Variants in THRB observed in about 807,000 individuals in gnomAD.
THRB encodes thyroid hormone receptor beta, also known as nuclear receptor subfamily 1 group A member 2.
Under a neutral mutation model 47.8 loss-of-function variants are expected in THRB, and 12 were observed. That is an observed-to-expected ratio of 0.25 (90% CI 0.16 to 0.41). The LOEUF (loss-of-function observed/expected upper bound fraction) is 0.41. THRB is among the 10% of genes least tolerant of loss of function. THRB has a pLI of 1.00. For synonymous variants in THRB, 218 were observed against 212.2 expected, an observed-to-expected ratio of 1.03 and a Z score of -0.24; for missense variants, 348 against 589.2, an observed-to-expected ratio of 0.59 and a Z score of 4.24.
chr3:24,249,737 A>C (rs1576303152), intron 3 of THRB, among the ~76,000 whole-genome samples: 1 of 137,238 alleles, frequency 7.3e-6, no homozygotes, highest in Non-Finnish European at 1.5e-5. Context: ...AGAACTCAAC[A>C]GTCTGCTCTA....
chr3:24,232,256 T>A (rs78002937), intron 3 of THRB, among the ~76,000 whole-genome samples: 4,822 of 152,344 alleles, frequency 0.032, 98 homozygotes, highest in Non-Finnish European at 0.05. Flanking sequence ...CGCGAGGCCT[T>A]GGTTGAGGCT....
At chr3:24,142,418 G>A (rs2035572107) in intron 8 of THRB, among the ~76,000 whole-genome samples, 1 of 152,172 alleles carries the variant, frequency 6.6e-6, no homozygotes, top group African/African-American at 2.4e-5. Context: ...TTATGTATAA[G>A]CCTTTTCTTT....
At chr3:24,439,977 G>T (rs2071372423) in intron 1 of THRB, among the ~76,000 whole-genome samples, 1 of 152,132 alleles carries the variant, frequency 6.6e-6, no homozygotes, top group Admixed American at 6.5e-5. Context: ...TATCCTTTTT[G>T]TTTGGGACAC....
At chr3:24,355,792 A>C (rs1040417849) in intron 1 of THRB, among the ~76,000 whole-genome samples, 4 of 152,170 alleles carry the variant, frequency 2.6e-5, no homozygotes, top group African/African-American at 9.6e-5. Flanking sequence ...TGGCAGGGTC[A>C]TCTGTGGGTC....
chr3:24,233,587 G>GAAAAAT (rs1491266688), intron 3 of THRB, among the ~76,000 whole-genome samples: 3 of 112,020 alleles, frequency 2.7e-5, no homozygotes, highest in African/African-American at 9.2e-5. Flanking sequence ...AAGAAAGAAA[G>GAAAAAT]AAAGAAAGAA....
At chr3:24,188,766 A>G (rs2149570977) in intron 5 of THRB, among the ~76,000 whole-genome samples, 1 of 150,644 alleles carries the variant, frequency 6.6e-6, no homozygotes, top group South Asian at 2.1e-4. Flanking sequence ...GTGCACACAC[A>G]CACACACATA....
At chr3:24,202,038 A>C (rs1371381739) in intron 4 of THRB, among the ~76,000 whole-genome samples, 1 of 152,220 alleles carries the variant, frequency 6.6e-6, no homozygotes, top group African/African-American at 2.4e-5. Flanking sequence ...AAGATCACAC[A>C]GTGGATAAAT....
chr3:24,288,685 A>G (rs745817114), intron 3 of THRB, among the ~76,000 whole-genome samples: 1 of 152,206 alleles, frequency 6.6e-6, no homozygotes, highest in African/African-American at 2.4e-5. Flanking sequence ...TCCCGGGTTG[A>G]ATCAAGTACA....
chr3:24,449,721 T>C (rs1010550455), intron 1 of THRB, among the ~76,000 whole-genome samples: 3 of 152,224 alleles, frequency 2.0e-5, no homozygotes, highest in African/African-American at 7.2e-5. Flanking sequence ...ATACTATATA[T>C]GTGAGACTAT....
At chr3:24,161,831 C>T (rs1402574515) in intron 5 of THRB, among the ~76,000 whole-genome samples, 1 of 134,480 alleles carries the variant, frequency 7.4e-6, no homozygotes, top group African/African-American at 2.7e-5. Context: ...CTCCCCCACC[C>T]CCACCCCCAC....
chr3:24,147,168 G>T (rs1296566994), intron 6 of THRB, among the ~76,000 whole-genome samples: 3 of 151,940 alleles, frequency 2.0e-5, no homozygotes, highest in Non-Finnish European at 2.9e-5. Context: ...TGACATAATT[G>T]TGTTGCTAAA....
chr3:24,275,835 A>T (rs1161690203), intron 3 of THRB, among the ~76,000 whole-genome samples: 1 of 152,090 alleles, frequency 6.6e-6, no homozygotes, highest in Non-Finnish European at 1.5e-5. Context: ...ATGCCCTTTG[A>T]GATTCTGATT....
At position 24,141,169 on chromosome 3, in the gene THRB, C is replaced by T. The variant is rs76883237; in HGVS notation, c.738+2332G>A. Among the ~76,000 whole-genome samples the T allele has an allele frequency of 3.1e-3, 475 of 152,346 alleles. 2 individuals carry two copies. Among genetic ancestry groups the T allele is most frequent in the African/African-American group, 0.011 (445 of 41,578 alleles). On this transcript the variant is annotated intron_variant, in intron 8 of 10. Coordinates refer to ENST00000646209, the MANE Select transcript of THRB (RefSeq NM_001354712.2). ...TAAAACTCTCTTGTGCATGGGTAAT[C>T]TCATGGTTCTGACAGAAGCCTAATG...
In THRB at chr3:24,122,880, C is replaced by T. The variant is rs777224982; in HGVS notation, c.*4G>A. 5.0e-6 allele frequency: 8 copies of T among 1,613,990 alleles called. No individual in the cohort carries two copies. The highest frequency in any genetic ancestry group is 2.5e-6 in the Non-Finnish European group (3 of 1,180,026). On this transcript the variant is annotated 3_prime_UTR_variant, in exon 11 of 11. Coordinates refer to ENST00000646209, the MANE Select transcript of THRB (RefSeq NM_001354712.2). Reference sequence around the variant, plus strand: ...TAGGAATTATGAGAATGAATCCAGTCAGTCTAATCCTCGAACACTTCCAAG... The same window carrying T: ...TAGGAATTATGAGAATGAATCCAGTTAGTCTAATCCTCGAACACTTCCAAG...
At chr3:24,237,658 T>C (rs781749973) in intron 3 of THRB, among the ~76,000 whole-genome samples, 4 of 152,132 alleles carry the variant, frequency 2.6e-5, no homozygotes, top group Non-Finnish European at 5.9e-5. Flanking sequence ...TAACCATTCC[T>C]AAAATGGGAA....
intron 5 of THRB, among the ~76,000 whole-genome samples, chr3:24,187,032 T>C (rs572840960): frequency 7.5e-6 from 1 of 132,926 alleles, no homozygotes; most frequent in Non-Finnish European, 1.6e-5. Context: ...AAAGAAACAA[T>C]ATTTAGAGTA....
At chr3:24,457,013 A>G (rs1232221721) in intron 1 of THRB, among the ~76,000 whole-genome samples, 1 of 152,172 alleles carries the variant, frequency 6.6e-6, no homozygotes, top group Non-Finnish European at 1.5e-5. Flanking sequence ...TGTGTTCCTA[A>G]TTAAGCTTTA....
chr3:24,162,360 G>A (rs967613649), intron 5 of THRB, among the ~76,000 whole-genome samples: 7 of 152,116 alleles, frequency 4.6e-5, no homozygotes, highest in Admixed American at 1.3e-4. Context: ...CACTGGCCCC[G>A]TGAGGACTTA....
intron 5 of THRB, among the ~76,000 whole-genome samples, chr3:24,182,271 T>C (rs566546118): frequency 6.6e-6 from 1 of 152,226 alleles, no homozygotes; most frequent in Non-Finnish European, 1.5e-5. Flanking sequence ...GATAGAATTA[T>C]AAGCATTCAG....
Sources: gnomAD v4.1 joint callset for allele counts (sites outside exome capture counted in the v4.1 genomes callset) on GRCh38, gnomAD v4.1.1 for gene constraint, MANE v1.5 for transcripts, NCBI Gene and HGNC (gene_info 2026-07-23, HGNC 2026-07-21) for gene names.